Variants in CFAP61 observed in about 807,000 individuals in gnomAD.
The protein encoded by CFAP61 is cilia and flagella associated protein 61, also known as cilia- and flagella-associated protein 61.
CFAP61 carries 107 observed loss-of-function variants against 135.6 expected under a neutral mutation model. The ratio of observed to expected loss-of-function variants is 0.79; its 90% CI spans 0.67 to 0.93. The LOEUF (loss-of-function observed/expected upper bound fraction) is 0.93, where lower values mean the gene tolerates loss of function less well. CFAP61 is among the 40% of genes least tolerant of loss of function. CFAP61 has a pLI of 0.00. For missense variants in CFAP61, 1,507 were observed against 1,556.2 expected (o/e 0.97, Z 0.53); for synonymous variants, 575 against 578.5 (o/e 0.99, Z 0.09).
At chr20:20,314,542 TA>T (rs1367591222) in intron 25 of CFAP61, among the ~76,000 whole-genome samples, 2 of 148,390 alleles carry the variant, frequency 1.3e-5, no homozygotes, top group Admixed American at 6.8e-5. Flanking sequence ...TTATTTTTTT[TA>T]TTATTATTAT....
chr20:20,288,820 G>A lies in CFAP61; in HGVS notation c.3008G>A (p.Gly1003Asp). ...AGCAACTTCAGTTCCAAAGAAATTG[G>A]CTTTCAGCTGGCAGCAGCTATGCTA... ...THSNFSSKEI[G>D]FQLAAAMLHL... is the part of the protein sequence containing the mutation. The change falls in exon 23 of 27, where the codon GGC becomes GAC. Residue 1003 changes from glycine to aspartate, a missense_variant. By Grantham distance (94) the Gly-to-Asp change is moderately conservative. Coordinates refer to ENST00000245957, the MANE Select transcript of CFAP61 (RefSeq NM_015585.4). The A allele has an allele frequency of 6.2e-7, 1 of 1,614,126 alleles. No homozygotes were observed.
chr20:20,305,528 G>A (rs137924126), intron 25 of CFAP61, among the ~76,000 whole-genome samples: 4 of 152,054 alleles, frequency 2.6e-5, no homozygotes, highest in African/African-American at 9.7e-5. Flanking sequence ...CAATTTTTTG[G>A]TCCATACCTA....
Position 20,360,348 on chromosome 20 carries a change from C to A in CFAP61, c.3652C>A (p.Leu1218Ile). Residue 1218 changes from leucine to isoleucine, a missense_variant, in exon 27 of 27, where the codon CTT (leucine) becomes ATT (isoleucine). By Grantham distance (5) the Leu-to-Ile change is conservative. Coordinates refer to ENST00000245957, the MANE Select transcript of CFAP61 (RefSeq NM_015585.4). ...IYKTLVERSTLDYLHYNRYHL... is the reference protein window; with the variant it reads ...IYKTLVERSTIDYLHYNRYHL... ...CAAAACCCTGGTGGAGAGAAGCACTCTTGACTACCTGCACTATAACCGCTA... is the reference window on the plus strand; with the variant it reads ...CAAAACCCTGGTGGAGAGAAGCACTATTGACTACCTGCACTATAACCGCTA... The A allele has an allele frequency of 6.2e-7, 1 of 1,613,910 alleles. No homozygotes were observed. The highest frequency in any genetic ancestry group is 2.2e-5 in the East Asian group (1 of 44,886).
At chr20:20,184,280 C>T (rs923271826) in intron 13 of CFAP61, among the ~76,000 whole-genome samples, 2 of 152,138 alleles carry the variant, frequency 1.3e-5, no homozygotes, top group African/African-American at 4.8e-5. Context: ...CTGGCTATCT[C>T]CATGCAAGCT....
chr20:20,203,924 G>C (rs962915635), intron 17 of CFAP61, among the ~76,000 whole-genome samples: 2 of 152,146 alleles, frequency 1.3e-5, no homozygotes, highest in Non-Finnish European at 2.9e-5. Flanking sequence ...ACCTGTTTCT[G>C]CAGAATTCCT....
chr20:20,320,470 A>T lies in CFAP61; in HGVS notation c.3423-21361A>T, dbSNP rs374176950. 1.5e-3 allele frequency among the ~76,000 whole-genome samples: 19 copies of T among 12,444 alleles called. 1 individual carries two copies. The highest frequency in any genetic ancestry group is 3.3e-3 in the African/African-American group (14 of 4,286). The allele number at this position is 12,444 out of a possible 152,430, so 8.2% of individuals were successfully genotyped here. On this transcript the variant is annotated intron_variant, in intron 25 of 26. Coordinates refer to ENST00000245957, the MANE Select transcript of CFAP61 (RefSeq NM_015585.4). ...ATATATATTATATATGTAATATATA[A>T]TATATGTAATATATAATATATGTAA...
Position 20,142,889 on chromosome 20 carries a change from CA to C in CFAP61, c.898del (p.Ile300Ter). On this transcript the variant is annotated frameshift_variant, in exon 9 of 27. Coordinates refer to ENST00000245957, the MANE Select transcript of CFAP61 (RefSeq NM_015585.4). LOFTEE classifies it high-confidence loss of function. ...AELRSSSQGS[Q>X]KIVEELQEPV... The stretch of plus-strand genomic sequence containing the variant: ...GCTCAGGAGTAGCAGCCAAGGTTCC[CA>C]AAAAATAGTCGAGGAGTTGCAGGAA... The C allele has an allele frequency of 1.2e-6, 2 of 1,605,568 alleles. No individual in the cohort carries two copies. Among genetic ancestry groups the C allele is most frequent in the Non-Finnish European group, 8.5e-7 (1 of 1,175,648 alleles).
At chr20:20,310,466 C>T (rs2056753509) in intron 25 of CFAP61, among the ~76,000 whole-genome samples, 2 of 152,226 alleles carry the variant, frequency 1.3e-5, no homozygotes, top group South Asian at 4.1e-4. Flanking sequence ...ATCATCTCCT[C>T]TTCCTCAGCC....
chr20:20,066,096 T>TTC (rs2045242128), intron 2 of CFAP61, among the ~76,000 whole-genome samples: 1 of 152,184 alleles, frequency 6.6e-6, no homozygotes, highest in Non-Finnish European at 1.5e-5. Flanking sequence ...TCACTGGTCA[T>TTC]TAGAGAAATG....
chr20:20,057,120 T>TAAA (rs752860141), intron 2 of CFAP61, among the ~76,000 whole-genome samples: 106 of 102,052 alleles, frequency 1.0e-3, no homozygotes, highest in Non-Finnish European at 9.1e-4. Flanking sequence ...CTGTCTCAAT[T>TAAA]AAAAAAAAAA....
chr20:20,272,654 T>C (rs1172934848), intron 21 of CFAP61, among the ~76,000 whole-genome samples: 1 of 152,146 alleles, frequency 6.6e-6, no homozygotes, highest in Non-Finnish European at 1.5e-5. Flanking sequence ...CATTATTCAC[T>C]TGCCCTCGGT....
At chr20:20,099,430 T>A (rs960956172) in intron 8 of CFAP61, among the ~76,000 whole-genome samples, 2 of 152,236 alleles carry the variant, frequency 1.3e-5, no homozygotes, top group African/African-American at 4.8e-5. Flanking sequence ...GAGGTCTTAC[T>A]GTATCCATGG....
intron 20 of CFAP61, among the ~76,000 whole-genome samples, chr20:20,253,107 A>T (rs1380328078): frequency 1.3e-5 from 2 of 152,318 alleles, no homozygotes; most frequent in East Asian, 3.9e-4. Flanking sequence ...GCAGATTAGG[A>T]GCAGGAGGCC....
At chr20:20,241,931 T>A (rs2050039346) in intron 18 of CFAP61, among the ~76,000 whole-genome samples, 1 of 152,232 alleles carries the variant, frequency 6.6e-6, no homozygotes, top group Non-Finnish European at 1.5e-5. Context: ...TTTTTTATTC[T>A]TATTATTAGA....
chr20:20,075,585 A>T lies in CFAP61; in HGVS notation c.536A>T (p.His179Leu). ...FAVHICHRHS[H>L]YPQLHVRKAR... The stretch of plus-strand genomic sequence containing the variant: ...GTGCATATATGTCACAGGCACAGCC[A>T]CTATCCTCAGCTGCACGTTCGCAAA... The change falls in exon 6 of 27, where the codon CAC (histidine) becomes CTC (leucine). Residue 179 changes from histidine (H) to leucine (L), a missense_variant. His to Leu is a moderately conservative substitution (Grantham distance 99). Transcript: ENST00000245957. The T allele has an allele frequency of 6.2e-7, 1 of 1,614,202 alleles. No homozygotes were observed. Among genetic ancestry groups the T allele is most frequent in the Non-Finnish European group, 8.5e-7 (1 of 1,180,012 alleles).
At chr20:20,081,019 A>G (rs2046396249) in intron 6 of CFAP61, among the ~76,000 whole-genome samples, 2 of 152,112 alleles carry the variant, frequency 1.3e-5, no homozygotes, top group African/African-American at 2.4e-5. Flanking sequence ...AAAGAAAAGA[A>G]AAAAGGTTCC....
intron 9 of CFAP61, among the ~76,000 whole-genome samples, chr20:20,151,229 C>T (rs764794920): frequency 6.6e-6 from 1 of 151,576 alleles, no homozygotes; most frequent in African/African-American, 2.4e-5. Flanking sequence ...TCTGGAAATG[C>T]AAGACACACT....
At chr20:20,085,510 A>G (rs374326179) in intron 6 of CFAP61, 26 of 1,366,306 alleles carry the variant, frequency 1.9e-5, no homozygotes, top group African/African-American at 1.3e-4. Flanking sequence ...ATGTTTTTCT[A>G]TTTTTCCCAG....
At position 20,342,628 on chromosome 20, in the gene CFAP61, T is replaced by G. The variant is rs182364840; in HGVS notation, c.3513+707T>G. 4.5e-4 allele frequency among the ~76,000 whole-genome samples: 68 copies of G among 152,336 alleles called. 2 individuals carry two copies. Among genetic ancestry groups the G allele is most frequent in the Non-Finnish European group, 5.9e-5 (4 of 68,030 alleles). ...GGGGCCTGGGTTAGCTTCTACCTCGTGTTACCGTCTACATAGGCAACTCCC... is the reference window on the plus strand; with the variant it reads ...GGGGCCTGGGTTAGCTTCTACCTCGGGTTACCGTCTACATAGGCAACTCCC... On this transcript the variant is annotated intron_variant, in intron 26 of 26. Transcript: ENST00000245957.
Sources: allele counts gnomAD v4.1 joint callset (sites outside exome capture counted in the v4.1 genomes callset), GRCh38; gene constraint gnomAD v4.1.1; transcripts MANE v1.5; gene names NCBI Gene and HGNC (gene_info 2026-07-23, HGNC 2026-07-21).